R3HDM2: variants seen among roughly 807,000 people sequenced by gnomAD.
R3HDM2 encodes the protein R3H domain containing 2, also known as R3H domain-containing protein 2.
In R3HDM2, 38 loss-of-function variants were observed where a neutral mutation model predicts 124.5. That is an observed-to-expected ratio of 0.31 (90% CI 0.24 to 0.40). R3HDM2 has a LOEUF of 0.40. Ranked by LOEUF, R3HDM2 falls within the 10% of genes least tolerant of loss-of-function variation. The pLI, the probability that R3HDM2 is intolerant of heterozygous loss-of-function variation, is 1.00. For synonymous variants in R3HDM2, 391 were observed against 448.0 expected (o/e 0.87, Z 1.61); for missense variants, 869 against 1,236.9 (o/e 0.70, Z 4.46).
At chr12:57,419,897 C>T (rs914055793) in intron 1 of R3HDM2, among the ~76,000 whole-genome samples, 4 of 152,008 alleles carry the variant, frequency 2.6e-5, no homozygotes, top group African/African-American at 4.8e-5. Flanking sequence ...AACAGCTATT[C>T]GAACTTGCCT....
rs1268844958 is a variant in R3HDM2 at position 57,299,457 on chromosome 12, T to C, written c.316A>G (p.Ser106Gly). The change falls in exon 6 of 24, where the codon AGT becomes GGT. Residue 106 changes from serine (S) to glycine (G), a missense_variant. Physicochemically the swap from Ser to Gly is moderately conservative, Grantham distance 56. Around this residue, in one of 2 missense-constraint regions of R3HDM2, gnomAD observed 267 missense variants for 447.7 expected, o/e 0.60. Coordinates refer to ENST00000402412, the MANE Select transcript of R3HDM2 (RefSeq NM_001394031.1). Reference sequence around the variant, plus strand: ...TCTTCCTCCTTGTCAGAAGGGCAACTGATGTGCAATTGAATTATATCCTTA... The same window carrying C: ...TCTTCCTCCTTGTCAGAAGGGCAACCGATGTGCAATTGAATTATATCCTTA... ...ETQDIIQLHI[S>G]CPSDKEEEKS... is the part of the protein sequence containing the mutation. 1.3e-6 allele frequency: 2 copies of C among 1,546,744 alleles called. No homozygotes were observed. Among genetic ancestry groups the C allele is most frequent in the South Asian group, 1.2e-5 (1 of 83,956 alleles).
chr12:57,424,069 G>A lies in R3HDM2; in HGVS notation c.-106+6651C>T, dbSNP rs375364376. On this transcript the variant is annotated intron_variant, in intron 1 of 23. Transcript: ENST00000402412. ...TCGGAGGTTGCGGTGAGCCAAGATC[G>A]CGCCATTGCACTCCAGCCTGGGCAA... Among the ~76,000 whole-genome samples, 549 of 123,480 alleles carry A rather than the reference G, an allele frequency of 4.4e-3. 2 individuals carry two copies. Among genetic ancestry groups the A allele is most frequent in the Admixed American group, 5.5e-3 (55 of 9,962 alleles). The allele number at this position is 123,480 out of a possible 152,430, so 81.0% of individuals were successfully genotyped here.
At chr12:57,417,715 G>T (rs1053228417) in intron 1 of R3HDM2, among the ~76,000 whole-genome samples, 1 of 152,116 alleles carries the variant, frequency 6.6e-6, no homozygotes, top group Non-Finnish European at 1.5e-5. Flanking sequence ...GTCCTCCACT[G>T]GCACAAGTAA....
intron 9 of R3HDM2, 128 bp from the exon 10 acceptor site, chr12:57,295,635 C>A: frequency 1.6e-6 from 1 of 640,692 alleles, no homozygotes; most frequent in Non-Finnish European, 2.7e-6. Context: ...GTAAGGAATC[C>A]AAAAAGTCAC....
chr12:57,396,478 A>T (rs1252641692), intron 1 of R3HDM2, among the ~76,000 whole-genome samples: 1 of 145,116 alleles, frequency 6.9e-6, no homozygotes, highest in African/African-American at 2.6e-5. Flanking sequence ...AAAATAAAAA[A>T]ATAAAAAAGA....
chr12:57,296,464 A>G lies in R3HDM2; in HGVS notation c.648T>C (p.Asn216=), dbSNP rs1237829100. ...RVAAYFGMDH[N]VDQTGKAVII... Reference sequence around the variant, plus strand: ...TGACAGCTTTCCCAGTTTGATCAACATTGTGGTCCATCCCAAAATAGGCAG... The same window carrying G: ...TGACAGCTTTCCCAGTTTGATCAACGTTGTGGTCCATCCCAAAATAGGCAG... The change falls in exon 9 of 24, where the codon AAT becomes AAC. Residue 216 remains asparagine, a synonymous_variant. Coordinates refer to ENST00000402412, the MANE Select transcript of R3HDM2 (RefSeq NM_001394031.1). This position sits in a 1 kb window ranked among gnomAD's most constrained non-coding sequence, Gnocchi z 4.5. 1.9e-6 allele frequency: 3 copies of G among 1,552,282 alleles called. No individual in the cohort carries two copies. Among genetic ancestry groups the G allele is most frequent in the Non-Finnish European group, 1.7e-6 (2 of 1,147,104 alleles).
At position 57,428,752 on chromosome 12, in the gene R3HDM2, T is replaced by A. The variant is rs1411453938; in HGVS notation, c.-106+1968A>T. On this transcript the variant is annotated intron_variant, in intron 1 of 23. Coordinates refer to ENST00000402412, the MANE Select transcript of R3HDM2 (RefSeq NM_001394031.1). The stretch of plus-strand genomic sequence containing the variant: ...AAAAATATTAGGCATGCTATTATTT[T>A]TTTTTTTTTTTTGAGACAGTCTCTC... Among the ~76,000 whole-genome samples, 382 of 151,124 alleles carry A rather than the reference T, an allele frequency of 2.5e-3. 3 individuals carry two copies. Among genetic ancestry groups the A allele is most frequent in the African/African-American group, 7.3e-3 (303 of 41,348 alleles).
At chr12:57,413,260 G>A (rs1352880596) in intron 1 of R3HDM2, among the ~76,000 whole-genome samples, 1 of 152,006 alleles carries the variant, frequency 6.6e-6, no homozygotes, top group East Asian at 1.9e-4. Flanking sequence ...CCCATGGCAA[G>A]TCACCATAAC....
chr12:57,312,906 G>C (rs950506749), intron 2 of R3HDM2, among the ~76,000 whole-genome samples: 1 of 141,320 alleles, frequency 7.1e-6, no homozygotes, highest in Non-Finnish European at 1.5e-5. Context: ...TCCAGCCTGG[G>C]TGACAGAGCA....
At chr12:57,363,868 A>G (rs957047821) in intron 2 of R3HDM2, among the ~76,000 whole-genome samples, 1 of 143,070 alleles carries the variant, frequency 7.0e-6, no homozygotes, top group South Asian at 2.2e-4. Flanking sequence ...TCCATCTCTT[A>G]AAAAAAAAAA....
At chr12:57,308,989 T>C (rs182017330) in intron 3 of R3HDM2, among the ~76,000 whole-genome samples, 3 of 152,218 alleles carry the variant, frequency 2.0e-5, no homozygotes, top group Non-Finnish European at 4.4e-5. Flanking sequence ...ACAACTAACA[T>C]GTAATAATGG....
chr12:57,256,216 C>T (rs1334434607), intron 22 of R3HDM2, 142 bp from the exon 23 acceptor site: 5 of 941,718 alleles, frequency 5.3e-6, no homozygotes, highest in East Asian at 2.6e-5. Flanking sequence ...CATGGAGCAG[C>T]GACTGAGAAA....
At chr12:57,281,142 C>A (rs1397102503) in intron 13 of R3HDM2, among the ~76,000 whole-genome samples, 1 of 151,836 alleles carries the variant, frequency 6.6e-6, no homozygotes, top group African/African-American at 2.4e-5. Flanking sequence ...TAAAAATTAT[C>A]CGAGCTTGAG....
intron 2 of R3HDM2, among the ~76,000 whole-genome samples, chr12:57,331,349 G>C (rs957996090): frequency 3.3e-5 from 5 of 152,094 alleles, no homozygotes; most frequent in Admixed American, 2.6e-4. Flanking sequence ...TTTGTTCTTT[G>C]ACCCTATCTC....
chr12:57,278,980 A>C (rs1009466761), intron 14 of R3HDM2, among the ~76,000 whole-genome samples: 2 of 152,070 alleles, frequency 1.3e-5, no homozygotes, highest in African/African-American at 4.8e-5. Context: ...CTGGACTAAT[A>C]AGCAGAGGGA....
At chr12:57,397,562 G>C (rs1256726791) in intron 1 of R3HDM2, among the ~76,000 whole-genome samples, 1 of 152,124 alleles carries the variant, frequency 6.6e-6, no homozygotes. Context: ...TAGGAATGTG[G>C]AGTAGTTGGC....
chr12:57,364,089 C>T (rs907056782), intron 2 of R3HDM2, among the ~76,000 whole-genome samples: 26 of 149,730 alleles, frequency 1.7e-4, no homozygotes, highest in African/African-American at 5.7e-4. Flanking sequence ...GTAATTCTTA[C>T]CTTATGTAAT....
chr12:57,321,287 G>A (rs1374177933), intron 2 of R3HDM2, among the ~76,000 whole-genome samples: 2 of 152,132 alleles, frequency 1.3e-5, no homozygotes, highest in Non-Finnish European at 2.9e-5. Flanking sequence ...TCTTAAATCT[G>A]AAATACAGAC....
intron 17 of R3HDM2, 74 bp downstream of exon 17, chr12:57,268,848 G>A: frequency 6.6e-7 from 1 of 1,518,664 alleles, no homozygotes; most frequent in Non-Finnish European, 8.9e-7. Context: ...TTTTAGTATG[G>A]ATGACCCTGG....
Sources: gnomAD v4.1 joint callset for allele counts (sites outside exome capture counted in the v4.1 genomes callset) on GRCh38, gnomAD v4.1.1 for gene constraint, gnomAD v4.1.1 regional missense constraint, Gnocchi (gnomAD v3.1) non-coding constraint, MANE v1.5 for transcripts, NCBI Gene and HGNC (gene_info 2026-07-23, HGNC 2026-07-21) for gene names.